MAPKAPK5: variants seen among roughly 807,000 people sequenced by gnomAD.
MAPKAPK5 encodes MAP kinase-activated protein kinase 5.
A neutral mutation model predicts 65.1 loss-of-function variants in MAPKAPK5; 30 were observed. The observed-to-expected ratio is 0.46, with a 90% confidence interval of 0.34 to 0.63. MAPKAPK5 has a LOEUF of 0.63. Among genes scored for constraint, MAPKAPK5 ranks in the 20% least tolerant of loss-of-function variants. The pLI is 0.01. For synonymous variants in MAPKAPK5, 179 were observed against 204.6 expected (o/e 0.87, Z 1.07); for missense variants, 433 against 581.4 (o/e 0.74, Z 2.63).
intron 1 of MAPKAPK5, among the ~76,000 whole-genome samples, chr12:111,851,930 A>G (rs2069097837): frequency 6.6e-6 from 1 of 152,228 alleles, no homozygotes; most frequent in Non-Finnish European, 1.5e-5. Context: ...TCTTGGAGAA[A>G]TTCAAGAGCT....
In MAPKAPK5 at chr12:111,893,595, C is replaced by G. The variant is rs1314246244; in HGVS notation, c.*534C>G. ...ATGGAAGAAGAGGGAGGTGAGCCCT[C>G]ATTTCTCCTGCCCCCTAATTCCCAA... On this transcript the variant is annotated 3_prime_UTR_variant, in exon 14 of 14. Transcript: ENST00000550735. 6.6e-6 allele frequency: 1 copy of G among 152,268 alleles called. No individual in the cohort carries two copies. The highest frequency in any genetic ancestry group is 2.4e-5 in the African/African-American group (1 of 41,430). 9.4% of individuals were successfully genotyped at this position (152,268 alleles called of 1,614,324 possible).
intron 1 of MAPKAPK5, among the ~76,000 whole-genome samples, chr12:111,847,399 A>G (rs1305811919): frequency 6.6e-6 from 1 of 151,694 alleles, no homozygotes; most frequent in Non-Finnish European, 1.5e-5. Context: ...TGGAGGCTCT[A>G]TCTTCTATTC....
At chr12:111,851,552 C>A (rs1230282721) in intron 1 of MAPKAPK5, among the ~76,000 whole-genome samples, 1 of 152,120 alleles carries the variant, frequency 6.6e-6, no homozygotes. Context: ...TCTCGAACTC[C>A]TGGCCTCAAG....
intron 8 of MAPKAPK5, 67 bp downstream of exon 8, chr12:111,880,594 G>A: frequency 7.0e-7 from 1 of 1,430,728 alleles, no homozygotes; most frequent in Non-Finnish European, 9.8e-7. Context: ...GGTGTTTGTG[G>A]CCCTCTGGGA....
intron 1 of MAPKAPK5, among the ~76,000 whole-genome samples, chr12:111,848,331 T>C (rs948463124): frequency 8.5e-5 from 13 of 152,170 alleles, no homozygotes; most frequent in Non-Finnish European, 1.5e-4. Context: ...TAACGACTAA[T>C]GCTGTTGGAC....
intron 1 of MAPKAPK5, among the ~76,000 whole-genome samples, chr12:111,857,045 C>CAATT (rs2069263931): frequency 6.6e-6 from 1 of 152,130 alleles, no homozygotes; most frequent in African/African-American, 2.4e-5. Flanking sequence ...TGACTAAAGT[C>CAATT]TGGTAATATA....
intron 1 of MAPKAPK5, among the ~76,000 whole-genome samples, chr12:111,849,549 A>G (rs2069006069): frequency 6.6e-6 from 1 of 152,202 alleles, no homozygotes; most frequent in African/African-American, 2.4e-5. Flanking sequence ...GGCGTCAGCC[A>G]CCGCACCTGG....
chr12:111,878,724 T>A (rs1318972977), intron 7 of MAPKAPK5, among the ~76,000 whole-genome samples: 1 of 152,108 alleles, frequency 6.6e-6, no homozygotes, highest in Non-Finnish European at 1.5e-5. Context: ...CCGCCTTAAT[T>A]TTTATCTTTT....
At chr12:111,892,632 A>G (rs1331589305) in intron 13 of MAPKAPK5, among the ~76,000 whole-genome samples, 1 of 151,528 alleles carries the variant, frequency 6.6e-6, no homozygotes, top group Non-Finnish European at 1.5e-5. Context: ...ATTTTTTTTC[A>G]CTGAGTTGTG....
rs914997122 is a variant in MAPKAPK5 at position 111,894,885 on chromosome 12, T to C, written c.*1824T>C. On this transcript the variant is annotated 3_prime_UTR_variant, in exon 14 of 14. Coordinates refer to ENST00000550735, the MANE Select transcript of MAPKAPK5 (RefSeq NM_003668.4). ...GCAGAGGGAGAGGATAGTCATCTGT[T>C]ATTCAATTTTTTCTCATCTCATTCT... 1 of 151,840 alleles carries C rather than the reference T, an allele frequency of 6.6e-6. No homozygotes were observed. Among genetic ancestry groups the C allele is most frequent in the Non-Finnish European group, 1.5e-5 (1 of 67,992 alleles). 9.4% of individuals were successfully genotyped at this position (151,840 alleles called of 1,614,324 possible).
Position 111,894,037 on chromosome 12 carries a change from ATGTT to A in MAPKAPK5, c.*994_*997del, listed in dbSNP as rs770120883. ...GGCCTTGGGTTTATTCTTTCTTTAT[ATGTT>A]TGTTTGTTTGTTTGTTTTGAGATGG... On this transcript the variant is annotated 3_prime_UTR_variant, in exon 14 of 14. Coordinates refer to ENST00000550735, the MANE Select transcript of MAPKAPK5 (RefSeq NM_003668.4). The A allele has an allele frequency of 3.5e-4, 54 of 156,394 alleles. No homozygotes were observed. The highest frequency in any genetic ancestry group is 7.9e-4 in the South Asian group (4 of 5,040). 9.7% of individuals were successfully genotyped at this position (156,394 alleles called of 1,614,324 possible).
chr12:111,862,894 C>T (rs992607326), intron 1 of MAPKAPK5, among the ~76,000 whole-genome samples: 1 of 152,142 alleles, frequency 6.6e-6, no homozygotes, highest in African/African-American at 2.4e-5. Context: ...CTTCAACTCC[C>T]TCCTTCCCAC....
chr12:111,861,404 C>T (rs968751946), intron 1 of MAPKAPK5, among the ~76,000 whole-genome samples: 2 of 152,078 alleles, frequency 1.3e-5, no homozygotes, highest in African/African-American at 2.4e-5. Context: ...TCTCGGCTCA[C>T]TGCAACCTCC....
intron 10 of MAPKAPK5, among the ~76,000 whole-genome samples, chr12:111,886,936 T>A (rs1271783167): frequency 6.6e-6 from 1 of 152,162 alleles, no homozygotes; most frequent in South Asian, 2.1e-4. Flanking sequence ...GAAGAAAAAT[T>A]TCTACAGTTT....
rs116086945 is a variant in MAPKAPK5, at chr12:111,883,625, G to C, written c.705G>C (p.Leu235=). ...WSLGVIIYVM[L]CGYPPFYSKH... ...TAGGGGTGATTATCTATGTGATGCTGTGCGGATACCCTCCTTTTTACTCCA... is the reference window on the plus strand; with the variant it reads ...TAGGGGTGATTATCTATGTGATGCTCTGCGGATACCCTCCTTTTTACTCCA... The change falls in exon 9 of 14, where the codon CTG becomes CTC. Residue 235 remains leucine, a synonymous_variant. Transcript: ENST00000550735. The surrounding 1 kb of genome is among the most constrained non-coding windows in gnomAD (Gnocchi z 4.8). 2 of 1,613,812 alleles carry C rather than the reference G, an allele frequency of 1.2e-6. No individual in the cohort carries two copies. The highest frequency in any genetic ancestry group is 1.7e-6 in the Non-Finnish European group (2 of 1,179,880).
At chr12:111,858,423 T>A (rs1439312894) in intron 1 of MAPKAPK5, among the ~76,000 whole-genome samples, 1 of 152,164 alleles carries the variant, frequency 6.6e-6, no homozygotes, top group Admixed American at 6.5e-5. Flanking sequence ...GACATTATTC[T>A]ACAGGTCTCA....
chr12:111,882,484 C>T (rs2070269624), intron 8 of MAPKAPK5, among the ~76,000 whole-genome samples: 2 of 152,244 alleles, frequency 1.3e-5, no homozygotes. Flanking sequence ...GCCCCAGTGG[C>T]AGGCTCACGG....
chr12:111,889,363 A>G (rs557195702), intron 12 of MAPKAPK5: 4 of 216,112 alleles, frequency 1.9e-5, no homozygotes, highest in Middle Eastern at 3.7e-3. Context: ...ATCTCATTGC[A>G]GGCTGTTAAC....
In MAPKAPK5 at chr12:111,883,495, C is replaced by T; in HGVS notation, c.661-86C>T. ...CTAGTTTATATCAGCCTATATATTG[C>T]AGGGGCTATTCCTGAGCCTGTCATG... On this transcript the variant is annotated intron_variant, in intron 8 of 13. Coordinates refer to ENST00000550735, the MANE Select transcript of MAPKAPK5 (RefSeq NM_003668.4). The surrounding 1 kb of genome is among the most constrained non-coding windows in gnomAD (Gnocchi z 4.8). The T allele has an allele frequency of 8.8e-7, 1 of 1,130,138 alleles. No individual in the cohort carries two copies. The highest frequency in any genetic ancestry group is 1.3e-6 in the Non-Finnish European group (1 of 775,182). 70.0% of individuals were successfully genotyped at this position (1,130,138 alleles called of 1,614,324 possible). A position where few individuals can be genotyped will look rare whatever the true frequency, so the allele number is the denominator to read the frequency against.
Sources: allele counts gnomAD v4.1 joint callset (sites outside exome capture counted in the v4.1 genomes callset), GRCh38; gene constraint gnomAD v4.1.1; non-coding constraint Gnocchi (gnomAD v3.1); transcripts MANE v1.5; gene names NCBI Gene and HGNC (gene_info 2026-07-23, HGNC 2026-07-21).